Variants in PBX1 observed in about 807,000 individuals in gnomAD.
The protein encoded by PBX1 is pre-B-cell leukemia transcription factor 1.
PBX1 carries 6 observed loss-of-function variants against 53.4 expected under a neutral mutation model. The ratio of observed to expected loss-of-function variants is 0.11; its 90% CI spans 0.06 to 0.22. PBX1 has a LOEUF of 0.22. Among genes scored for constraint, PBX1 ranks in the 10% least tolerant of loss-of-function variants. The pLI is 1.00. For missense variants in PBX1, 251 were observed against 551.4 expected (o/e 0.46, Z 5.46); for synonymous variants, 204 against 212.3 (o/e 0.96, Z 0.34).
At chr1:164,608,923 T>C (rs1656727614) in intron 2 of PBX1, among the ~76,000 whole-genome samples, 2 of 152,184 alleles carry the variant, frequency 1.3e-5, no homozygotes, top group African/African-American at 4.8e-5. Context: ...TTTTGTTAAG[T>C]ATAAGAATTC....
intron 2 of PBX1, among the ~76,000 whole-genome samples, chr1:164,879,909 G>T (rs753305207): frequency 2.6e-5 from 4 of 152,172 alleles, no homozygotes; most frequent in Non-Finnish European, 4.4e-5. Context: ...TACGCTGGGG[G>T]TGCTCCTTTA....
At chr1:164,772,694 G>A (rs1038886965) in intron 2 of PBX1, among the ~76,000 whole-genome samples, 30 of 152,316 alleles carry the variant, frequency 2.0e-4, no homozygotes, top group African/African-American at 5.5e-4. Context: ...TTGCTGCCCC[G>A]CGTGCTTTTT....
Position 164,699,488 on chromosome 1 carries a change from T to C in PBX1, c.266-93006T>C, listed in dbSNP as rs138311915. Among the ~76,000 whole-genome samples the C allele has an allele frequency of 9.2e-5, 14 of 152,146 alleles. No homozygotes were observed. The East Asian group carries it at 2.7e-3, about 29-fold the overall frequency. On this transcript the variant is annotated intron_variant, in intron 2 of 8. Transcript: ENST00000420696. ...ACTCCTGCTCCAGAAAAGATGACCA[T>C]AATCTAATAATCACTCTACCGCATG...
chr1:164,652,928 G>T (rs931371823), intron 2 of PBX1, among the ~76,000 whole-genome samples: 1 of 150,752 alleles, frequency 6.6e-6, no homozygotes, highest in African/African-American at 2.5e-5. Flanking sequence ...GGAGGGCAGT[G>T]GTGCGACCTT....
At chr1:164,815,948 A>G (rs928457169) in intron 6 of PBX1, 3 of 152,194 alleles carry the variant, frequency 2.0e-5, no homozygotes, top group African/African-American at 7.2e-5. Flanking sequence ...TTCATGCCCT[A>G]TGAGAAGTTT....
intron 2 of PBX1, among the ~76,000 whole-genome samples, chr1:164,615,320 C>G (rs1399465253): frequency 6.6e-6 from 1 of 152,166 alleles, no homozygotes; most frequent in Non-Finnish European, 1.5e-5. Flanking sequence ...AATAACCTTT[C>G]AAATAACCAC....
intron 2 of PBX1, among the ~76,000 whole-genome samples, chr1:164,589,868 G>A (rs1438057399): frequency 1.3e-5 from 2 of 152,160 alleles, no homozygotes; most frequent in South Asian, 2.1e-4. Context: ...TTGTTTGTCA[G>A]AGAAAAATAA....
At chr1:164,807,128 G>A (rs933246223) in intron 4 of PBX1, among the ~76,000 whole-genome samples, 4 of 151,974 alleles carry the variant, frequency 2.6e-5, no homozygotes, top group African/African-American at 4.8e-5. Flanking sequence ...GTTGTGGCAC[G>A]TGCCTGTAAT....
chr1:164,620,158 A>C (rs1657574408), intron 2 of PBX1, among the ~76,000 whole-genome samples: 1 of 152,190 alleles, frequency 6.6e-6, no homozygotes, highest in African/African-American at 2.4e-5. Context: ...TGGACCTGGC[A>C]GCAGAGTGAG....
At chr1:164,754,341 C>G (rs1221111819) in intron 2 of PBX1, among the ~76,000 whole-genome samples, 1 of 152,168 alleles carries the variant, frequency 6.6e-6, no homozygotes, top group African/African-American at 2.4e-5. Flanking sequence ...GCAGTAGGAG[C>G]CAAGTATCTG....
At chr1:164,630,097 A>G (rs1006052038) in intron 2 of PBX1, among the ~76,000 whole-genome samples, 1 of 152,220 alleles carries the variant, frequency 6.6e-6, no homozygotes, top group Non-Finnish European at 1.5e-5. Context: ...TTGCAAAGTC[A>G]TTAGAAAACC....
At chr1:164,790,688 T>C (rs1571413187) in intron 2 of PBX1, among the ~76,000 whole-genome samples, 1 of 152,222 alleles carries the variant, frequency 6.6e-6, no homozygotes, top group East Asian at 1.9e-4. Context: ...GTGAGAGCCA[T>C]ACTGTAGTTT....
intron 2 of PBX1, among the ~76,000 whole-genome samples, chr1:164,678,372 G>A (rs1342660624): frequency 6.6e-6 from 1 of 152,166 alleles, no homozygotes; most frequent in Non-Finnish European, 1.5e-5. Flanking sequence ...TCCTCCTCGG[G>A]TCTGTGTCTC....
At chr1:164,870,019 A>G (rs1489242372) in intron 2 of PBX1, among the ~76,000 whole-genome samples, 1 of 152,210 alleles carries the variant, frequency 6.6e-6, no homozygotes, top group Non-Finnish European at 1.5e-5. Context: ...GTTCACAGCC[A>G]GGACTACGAA....
intron 8 of PBX1, among the ~76,000 whole-genome samples, chr1:164,826,024 A>G (rs1420715712): frequency 6.6e-6 from 1 of 152,064 alleles, no homozygotes; most frequent in Non-Finnish European, 1.5e-5. Flanking sequence ...AAATTGGGAA[A>G]CTTAGGTCCT....
intron 8 of PBX1, among the ~76,000 whole-genome samples, chr1:164,838,419 G>A (rs1671144266): frequency 6.6e-6 from 1 of 152,136 alleles, no homozygotes; most frequent in East Asian, 1.9e-4. Context: ...GGAGATATTA[G>A]AATCCTCGGA....
intron 2 of PBX1, chr1:164,680,652 A>G (rs978221273): frequency 6.6e-6 from 1 of 152,250 alleles, no homozygotes; most frequent in African/African-American, 2.4e-5. Context: ...TATTTTACAA[A>G]AAAATGCAGC....
At chr1:164,867,863 T>C (rs1293320447) in intron 2 of PBX1, among the ~76,000 whole-genome samples, 1 of 152,226 alleles carries the variant, frequency 6.6e-6, no homozygotes, top group Non-Finnish European at 1.5e-5. Context: ...AAATTAACTG[T>C]ATCTGGCTCT....
intron 2 of PBX1, among the ~76,000 whole-genome samples, chr1:164,880,006 T>C (rs1672608325): frequency 6.6e-6 from 1 of 152,176 alleles, no homozygotes; most frequent in Admixed American, 6.5e-5. Context: ...TTTTGATGTA[T>C]TGAAATCTGA....
Sources: gnomAD v4.1 joint callset for allele counts (sites outside exome capture counted in the v4.1 genomes callset) on GRCh38, gnomAD v4.1.1 for gene constraint, MANE v1.5 for transcripts, NCBI Gene and HGNC (gene_info 2026-07-23, HGNC 2026-07-21) for gene names.